The following INSYN2B variants were observed in gnomAD, a reference collection of about 807,000 sequenced individuals.
INSYN2B encodes protein INSYN2B.
In INSYN2B, 16 loss-of-function variants were observed where a neutral mutation model predicts 41.2. The ratio of observed to expected loss-of-function variants is 0.39; its 90% CI spans 0.26 to 0.59. INSYN2B has a LOEUF of 0.59. INSYN2B is among the 20% of genes least tolerant of loss of function. INSYN2B has a pLI of 0.57. For synonymous variants in INSYN2B, 245 were observed against 244.4 expected (o/e 1.00, Z -0.02); for missense variants, 608 against 646.4 (o/e 0.94, Z 0.64).
At chr5:169,909,322 A>G (rs1037673799) in intron 1 of INSYN2B, among the ~76,000 whole-genome samples, 9 of 152,214 alleles carry the variant, frequency 5.9e-5, no homozygotes, top group Non-Finnish European at 1.2e-4. Flanking sequence ...AACAGTATAG[A>G]ACATTTCTTT....
chr5:169,871,409 GGTC>G (rs1771961103), intron 3 of INSYN2B, among the ~76,000 whole-genome samples: 4 of 152,184 alleles, frequency 2.6e-5, no homozygotes, highest in Non-Finnish European at 5.9e-5. Context: ...AAAGAATGAT[GGTC>G]ATTTATGGAA....
At chr5:169,952,306 T>C (rs1364141725) in intron 1 of INSYN2B, among the ~76,000 whole-genome samples, 2 of 152,202 alleles carry the variant, frequency 1.3e-5, no homozygotes, top group African/African-American at 4.8e-5. Flanking sequence ...GTGTACCTGA[T>C]GCACTGCTGG....
intron 3 of INSYN2B, among the ~76,000 whole-genome samples, chr5:169,869,653 TACTAC>T (rs957352172): frequency 1.1e-4 from 16 of 152,196 alleles, no homozygotes; most frequent in Admixed American, 5.2e-4. Context: ...CTTACTTAGC[TACTAC>T]ACCATGCTTA....
At chr5:169,920,950 G>GA (rs1469355921) in intron 1 of INSYN2B, among the ~76,000 whole-genome samples, 3 of 152,196 alleles carry the variant, frequency 2.0e-5, no homozygotes, top group Non-Finnish European at 4.4e-5. Flanking sequence ...CAGTTTATTA[G>GA]ATGAACTGAG....
At chr5:169,972,582 TAGATGATAGATAGATA>T (rs1384433755) in intron 1 of INSYN2B, among the ~76,000 whole-genome samples, 1,341 of 61,432 alleles carry the variant, frequency 0.022, 23 homozygotes, top group African/African-American at 0.082. Flanking sequence ...GATAGATAGA[TAGATGATAGATAGATA>T]GATAGATAGA....
intron 3 of INSYN2B, among the ~76,000 whole-genome samples, chr5:169,873,677 A>G (rs969571964): frequency 6.6e-6 from 1 of 152,194 alleles, no homozygotes; most frequent in Non-Finnish European, 1.5e-5. Context: ...TGGCTGCTAA[A>G]CCCATAGGAC....
intron 1 of INSYN2B, among the ~76,000 whole-genome samples, chr5:169,904,562 C>A (rs1413364265): frequency 5.3e-5 from 8 of 152,070 alleles, no homozygotes; most frequent in African/African-American, 1.9e-4. Context: ...CTTTAGAGTG[C>A]TGGCGACCTC....
chr5:169,898,178 GCATGAACAAGTATGTGTCCCTGGGGCT>G (rs1773717247), intron 1 of INSYN2B, among the ~76,000 whole-genome samples: 1 of 152,190 alleles, frequency 6.6e-6, no homozygotes, highest in Non-Finnish European at 1.5e-5. Flanking sequence ...GACTGAGGCT[GCATGAACAAGTATGTGTCCCTGGGGCT>G]CCCACAGCTC....
chr5:169,917,270 C>A (rs1000331272), intron 1 of INSYN2B, among the ~76,000 whole-genome samples: 1 of 152,160 alleles, frequency 6.6e-6, no homozygotes. Context: ...GTAGACCAGG[C>A]CAATATAATT....
chr5:169,911,918 G>A (rs529706869), intron 1 of INSYN2B, among the ~76,000 whole-genome samples: 1 of 152,326 alleles, frequency 6.6e-6, no homozygotes, highest in East Asian at 1.9e-4. Flanking sequence ...GTCTCATGGG[G>A]CTATTAAATA....
chr5:169,909,046 C>T (rs547917254), intron 1 of INSYN2B, among the ~76,000 whole-genome samples: 3 of 152,134 alleles, frequency 2.0e-5, no homozygotes, highest in Non-Finnish European at 2.9e-5. Flanking sequence ...TGAATGTGAG[C>T]GAGGCTGAGC....
intron 1 of INSYN2B, among the ~76,000 whole-genome samples, chr5:169,935,883 G>A (rs1193479007): frequency 6.6e-6 from 1 of 152,206 alleles, no homozygotes; most frequent in Non-Finnish European, 1.5e-5. Flanking sequence ...TTACTCCACA[G>A]AGCAGGAAGA....
chr5:169,892,343 A>G (rs1188976795), intron 1 of INSYN2B, among the ~76,000 whole-genome samples: 3 of 152,236 alleles, frequency 2.0e-5, no homozygotes, highest in African/African-American at 7.2e-5. Flanking sequence ...TATCCCCTAC[A>G]CCCGCACAGC....
intron 1 of INSYN2B, among the ~76,000 whole-genome samples, chr5:169,951,063 T>C (rs931565677): frequency 6.6e-6 from 1 of 152,220 alleles, no homozygotes; most frequent in African/African-American, 2.4e-5. Context: ...ACCACAGTGA[T>C]TGGCTGGAGC....
chr5:169,867,435 GTCTA>G (rs1472333370), intron 3 of INSYN2B, among the ~76,000 whole-genome samples: 3 of 118,944 alleles, frequency 2.5e-5, no homozygotes, highest in South Asian at 2.8e-4. Context: ...CTGTCTGTCT[GTCTA>G]TCTATCTATC....
chr5:169,926,197 C>T lies in INSYN2B; in HGVS notation c.-918-41381G>A, dbSNP rs73325996. The stretch of plus-strand genomic sequence containing the variant: ...GTCGGCATGGATGTGGATAGGTAGA[C>T]GCAGGCCCAGTGCCTGACTTGGGGA... On this transcript the variant is annotated intron_variant, in intron 1 of 3. Transcript: ENST00000377365. 3.8e-3 allele frequency among the ~76,000 whole-genome samples: 579 copies of T among 152,234 alleles called. 4 individuals are homozygous for T. Among genetic ancestry groups the T allele is most frequent in the African/African-American group, 0.013 (557 of 41,538 alleles).
chr5:169,921,704 G>A (rs1775181358), intron 1 of INSYN2B, among the ~76,000 whole-genome samples: 1 of 152,144 alleles, frequency 6.6e-6, no homozygotes, highest in Admixed American at 6.5e-5. Context: ...TTTGGAGATG[G>A]GATTGCATCC....
intron 1 of INSYN2B, among the ~76,000 whole-genome samples, chr5:169,929,517 G>T (rs906332691): frequency 6.6e-6 from 1 of 152,174 alleles, no homozygotes. Context: ...GGGGAGGATT[G>T]CTTGAGCCCA....
intron 1 of INSYN2B, among the ~76,000 whole-genome samples, chr5:169,972,972 A>G (rs950709180): frequency 7.9e-5 from 12 of 152,192 alleles, no homozygotes; most frequent in African/African-American, 2.9e-4. Flanking sequence ...GATCTCTTGC[A>G]GCAGAAACAA....
Sources: gnomAD v4.1 joint callset for allele counts (sites outside exome capture counted in the v4.1 genomes callset) on GRCh38, gnomAD v4.1.1 for gene constraint, MANE v1.5 for transcripts, NCBI Gene and HGNC (gene_info 2026-07-23, HGNC 2026-07-21) for gene names.